OSBPL10: variants seen among roughly 807,000 people sequenced by gnomAD.
OSBPL10 encodes the protein oxysterol-binding protein-related protein 10.
OSBPL10 carries 49 observed loss-of-function variants against 81.7 expected under a neutral mutation model. The observed-to-expected ratio is 0.60, with a 90% confidence interval of 0.48 to 0.76. OSBPL10 has a LOEUF of 0.76. Among genes scored for constraint, OSBPL10 ranks in the 30% least tolerant of loss-of-function variants. The pLI is 0.00. For missense variants in OSBPL10, 923 were observed against 987.8 expected, an observed-to-expected ratio of 0.93 and a Z score of 0.88; for synonymous variants, 419 against 383.6, an observed-to-expected ratio of 1.09 and a Z score of -1.08.
At chr3:32,037,192 C>A (rs944420678) in intron 2 of OSBPL10, among the ~76,000 whole-genome samples, 1 of 152,192 alleles carries the variant, frequency 6.6e-6, no homozygotes, top group South Asian at 2.1e-4. Context: ...ACAGGAACTG[C>A]GGGCTCACTG....
intron 3 of OSBPL10, among the ~76,000 whole-genome samples, chr3:31,843,558 T>C (rs189262135): frequency 2.2e-4 from 34 of 152,296 alleles, no homozygotes; most frequent in African/African-American, 7.5e-4. Flanking sequence ...TAAATACCCA[T>C]TGTTTCAGAG....
At chr3:31,953,193 A>G (rs990613201) in intron 1 of OSBPL10, among the ~76,000 whole-genome samples, 36 of 151,950 alleles carry the variant, frequency 2.4e-4, no homozygotes, top group Non-Finnish European at 4.0e-4. Flanking sequence ...TCAACCTCCC[A>G]AAGTGCTGAG....
intron 4 of OSBPL10, among the ~76,000 whole-genome samples, chr3:31,763,881 G>A (rs1487887687): frequency 6.6e-6 from 1 of 152,202 alleles, no homozygotes; most frequent in Non-Finnish European, 1.5e-5. Context: ...CATTTATCAG[G>A]AATCTGCTTC....
intron 1 of OSBPL10, among the ~76,000 whole-genome samples, chr3:31,905,368 T>TTTTTTTTTTTTTTTTTTTTTTGGGG: frequency 6.7e-6 from 1 of 148,294 alleles, no homozygotes; most frequent in African/African-American, 2.5e-5. Context: ...TTTTTTTTTT[T>TTTTTTTTTTTTTTTTTTTTTTGGGG]AGACGGACTC....
chr3:31,768,430 G>A (rs982934555), intron 4 of OSBPL10, among the ~76,000 whole-genome samples: 1 of 152,134 alleles, frequency 6.6e-6, no homozygotes, highest in African/African-American at 2.4e-5. Context: ...ATTAGAAATT[G>A]TCTCCCTTTA....
chr3:31,913,261 T>C (rs1453285872), intron 1 of OSBPL10, among the ~76,000 whole-genome samples: 1 of 151,990 alleles, frequency 6.6e-6, no homozygotes, highest in East Asian at 1.9e-4. Flanking sequence ...TGTTTTTTTT[T>C]TCTTTAAGAT....
chr3:32,019,717 T>C (rs1216112624), intron 2 of OSBPL10, among the ~76,000 whole-genome samples: 1 of 152,234 alleles, frequency 6.6e-6, no homozygotes, highest in Non-Finnish European at 1.5e-5. Flanking sequence ...GATGCAATTA[T>C]AAAAAATTAT....
chr3:31,695,745 T>G (rs537089144), intron 7 of OSBPL10, among the ~76,000 whole-genome samples: 19 of 152,316 alleles, frequency 1.2e-4, no homozygotes, highest in Admixed American at 7.8e-4. Context: ...TCCTACCTGC[T>G]TCCTCTCTCT....
At chr3:32,030,757 A>C in intron 2 of OSBPL10, 3 of 636,340 alleles carry the variant, frequency 4.7e-6, no homozygotes, top group Non-Finnish European at 8.4e-6. Context: ...AAAACCCTTA[A>C]GTTACATAAA....
intron 3 of OSBPL10, among the ~76,000 whole-genome samples, chr3:31,848,361 A>G (rs1024210025): frequency 6.6e-6 from 1 of 151,164 alleles, no homozygotes; most frequent in Non-Finnish European, 1.5e-5. Flanking sequence ...TAGTTCAAAT[A>G]CAGACATACG....
chr3:31,748,101 C>T lies in OSBPL10; in HGVS notation c.749G>A (p.Gly250Glu), dbSNP rs763437591. Residue 250 changes from glycine to glutamate, a missense_variant, in exon 5 of 12, where the codon GGG becomes GAG. This residue lies in a region of OSBPL10 where 514 missense variants were observed against 508.0 expected (regional missense o/e 1.01). Transcript: ENST00000396556. ...EVREMMNQVE[G>E]QQKNLVHAIE... ...GGCGTGCACAAGGTTCTTCTGCTGC[C>T]CTTCCACCTGGTTCATCATCTACAA... is the stretch of plus-strand genomic sequence containing the variant. 6.2e-7 allele frequency: 1 copy of T among 1,613,394 alleles called. No individual in the cohort carries two copies. Among genetic ancestry groups the T allele is most frequent in the Admixed American group, 1.7e-5 (1 of 59,904 alleles).
rs759764032 is a variant in OSBPL10, at chr3:31,670,805, T to A, written c.1905A>T (p.Lys635Asn). ...CTCCGGCCAGCTCCTACCTGTGGAC[T>A]TTCCCTCCATAGAAAGGCTTCGTGT... ...IFHTKPFYGG[K>N]VHRVTAEVKH... The change falls in exon 9 of 12, where the codon AAA (lysine) becomes AAT (asparagine). Residue 635 changes from lysine (K) to asparagine (N), a missense_variant. Lys to Asn is a moderately conservative substitution (Grantham distance 94). Transcript: ENST00000396556. The A allele has an allele frequency of 6.2e-7, 1 of 1,613,680 alleles. No homozygotes were observed. The highest frequency in any genetic ancestry group is 8.5e-7 in the Non-Finnish European group (1 of 1,179,812).
At chr3:31,950,607 A>G (rs1437889435) in intron 1 of OSBPL10, among the ~76,000 whole-genome samples, 1 of 152,230 alleles carries the variant, frequency 6.6e-6, no homozygotes, top group African/African-American at 2.4e-5. Flanking sequence ...TAGTTTGGAT[A>G]TCTGACCTCT....
At chr3:31,807,722 A>G (rs1699558884) in intron 4 of OSBPL10, among the ~76,000 whole-genome samples, 1 of 152,166 alleles carries the variant, frequency 6.6e-6, no homozygotes. Flanking sequence ...TGGATGACTG[A>G]GCAAGACCCC....
chr3:31,818,531 G>C (rs1050340526), intron 4 of OSBPL10, among the ~76,000 whole-genome samples: 8 of 152,190 alleles, frequency 5.3e-5, no homozygotes, highest in African/African-American at 1.9e-4. Flanking sequence ...CAGCACCATA[G>C]CAGTTCTCAT....
At chr3:31,784,887 G>C (rs919286678) in intron 4 of OSBPL10, among the ~76,000 whole-genome samples, 1 of 122,846 alleles carries the variant, frequency 8.1e-6, no homozygotes, top group South Asian at 3.1e-4. Flanking sequence ...TTGGGGGGGC[G>C]GGGGGGTGGG....
intron 1 of OSBPL10, among the ~76,000 whole-genome samples, chr3:32,073,996 T>C (rs1294499637): frequency 6.6e-6 from 1 of 152,134 alleles, no homozygotes; most frequent in African/African-American, 2.4e-5. Context: ...TCCAGCATAC[T>C]AGCAATCTCA....
chr3:31,730,200 G>A (rs777705081), intron 6 of OSBPL10, among the ~76,000 whole-genome samples: 8 of 152,140 alleles, frequency 5.3e-5, no homozygotes, highest in Non-Finnish European at 1.2e-4. Context: ...AATTAGCTGA[G>A]TGTGATGGCG....
intron 3 of OSBPL10, among the ~76,000 whole-genome samples, chr3:31,864,607 C>G (rs544845754): frequency 6.6e-6 from 1 of 151,920 alleles, no homozygotes; most frequent in South Asian, 2.1e-4. Flanking sequence ...GAAAGGCATT[C>G]CCAGCAAAGG....
Sources: allele counts gnomAD v4.1 joint callset (sites outside exome capture counted in the v4.1 genomes callset), GRCh38; gene constraint gnomAD v4.1.1; regional missense constraint gnomAD v4.1.1; transcripts MANE v1.5; gene names NCBI Gene and HGNC (gene_info 2026-07-23, HGNC 2026-07-21).